QRFP: variants seen among roughly 807,000 people sequenced by gnomAD.
QRFP encodes orexigenic neuropeptide QRFP.
A neutral mutation model predicts 9.1 loss-of-function variants in QRFP; 7 were observed. That is an observed-to-expected ratio of 0.77 (90% CI 0.44 to 1.45). The LOEUF is 1.45. Among genes scored for constraint, QRFP ranks in the 40% most tolerant of loss-of-function variants. The probability of loss-of-function intolerance (pLI) is 0.01; values close to 1 mark genes in which losing one functional copy is unlikely to be tolerated. For missense variants in QRFP, 204 were observed against 185.4 expected, an observed-to-expected ratio of 1.10 and a Z score of -0.58; for synonymous variants, 91 against 80.2, an observed-to-expected ratio of 1.13 and a Z score of -0.72.
intron 2 of QRFP, among the ~76,000 whole-genome samples, chr9:130,894,621 C>T (rs938520199): frequency 1.3e-5 from 2 of 152,222 alleles, no homozygotes; most frequent in Non-Finnish European, 2.9e-5. Flanking sequence ...GCATACATAT[C>T]TGCTAGGTAC....
chr9:130,893,497 G>A lies in QRFP; in HGVS notation c.342C>T (p.Asn114=), dbSNP rs765098620. The change falls in exon 3 of 3, where the codon AAC becomes AAT. Residue 114 remains asparagine (N), a synonymous_variant. Coordinates refer to ENST00000623824, the MANE Select transcript of QRFP (RefSeq NM_198180.3). ...AGEKTSGPLG[N]LAEELNGYSR... ...TGTAGCCATTGAGCTCCTCAGCCAGGTTCCCTAACGGGCCGCTGGTCTTCT... is the reference window on the plus strand; with the variant it reads ...TGTAGCCATTGAGCTCCTCAGCCAGATTCCCTAACGGGCCGCTGGTCTTCT... 3 of 1,610,248 alleles carry A rather than the reference G, an allele frequency of 1.9e-6. No homozygotes were observed. The African/African-American group carries it at 4.0e-5, about 21-fold the overall frequency.
At position 130,893,522 on chromosome 9, in the gene QRFP, T is replaced by TC. The variant is rs1372223236; in HGVS notation, c.316dup (p.Glu106GlyfsTer12). On this transcript the variant is annotated frameshift_variant, in exon 3 of 3. Transcript: ENST00000623824. LOFTEE classifies it high-confidence loss of function. ...GTTCCCTAACGGGCCGCTGGTCTTC[T>TC]CCCCCGCAGCAGGGAGGAAGCCGGT... 1.9e-6 allele frequency: 3 copies of TC among 1,612,090 alleles called. No individual in the cohort carries two copies. The highest frequency in any genetic ancestry group is 2.5e-6 in the Non-Finnish European group (3 of 1,179,374).
chr9:130,894,615 A>T (rs1831732888), intron 2 of QRFP, among the ~76,000 whole-genome samples: 1 of 152,198 alleles, frequency 6.6e-6, no homozygotes, highest in African/African-American at 2.4e-5. Context: ...CAAGAAGCAT[A>T]CATATCTGCT....
intron 2 of QRFP, among the ~76,000 whole-genome samples, chr9:130,894,769 C>T (rs985126022): frequency 1.3e-5 from 2 of 152,098 alleles, no homozygotes; most frequent in African/African-American, 4.8e-5. Context: ...GAAGGCGTGC[C>T]CTAACTCCCT....
chr9:130,895,699 T>G lies in QRFP; in HGVS notation c.-3A>C, dbSNP rs1831747481. 1 of 153,134 alleles carries G rather than the reference T, an allele frequency of 6.5e-6. No homozygotes were observed. Among genetic ancestry groups the G allele is most frequent in the Non-Finnish European group, 1.5e-5 (1 of 68,834 alleles). The allele number at this position is 153,134 out of a possible 1,614,324, so 9.5% of individuals were successfully genotyped here. ...GGGGACAGGGCAGCTATGCTCACCG[T>G]GTGGCTGGGACTGCTCCCAGGAAGG... On this transcript the variant is annotated splice_region_variant and 5_prime_UTR_variant, in exon 2 of 3. Transcript: ENST00000623824.
At position 130,893,501 on chromosome 9, in the gene QRFP, C is replaced by T; in HGVS notation, c.338G>A (p.Gly113Glu). The change falls in exon 3 of 3, where the codon GGG becomes GAG. Residue 113 changes from glycine to glutamate, a missense_variant. Coordinates refer to ENST00000623824, the MANE Select transcript of QRFP (RefSeq NM_198180.3). ...GCCATTGAGCTCCTCAGCCAGGTTC[C>T]CTAACGGGCCGCTGGTCTTCTCCCC... ...AAGEKTSGPL[G>E]NLAEELNGYS... 2 of 1,611,170 alleles carry T rather than the reference C, an allele frequency of 1.2e-6. No homozygotes were observed. The highest frequency in any genetic ancestry group is 2.2e-5 in the South Asian group (2 of 90,944).
chr9:130,893,417 G>A lies in QRFP; in HGVS notation c.*11C>T, dbSNP rs200609476. ...TCCAAGAAGCAAATCCTTCCAAGGC[G>A]TCCTGGCCCTTCACCGCCGACCGAA... On this transcript the variant is annotated 3_prime_UTR_variant, in exon 3 of 3. Transcript: ENST00000623824. 5.2e-5 allele frequency: 81 copies of A among 1,566,848 alleles called. No homozygotes were observed. The African/African-American group carries it at 6.9e-4, about 13-fold the overall frequency.
chr9:130,893,439 C>A lies in QRFP; in HGVS notation c.400G>T (p.Gly134Cys). Residue 134 changes from glycine (G) to cysteine (C), a missense_variant, in exon 3 of 3, where the codon GGT (glycine) becomes TGT (cysteine). By Grantham distance (159) the Gly-to-Cys change is radical. Transcript: ENST00000623824. ...RKKGGFSFRF[G>C]RR ...GGCGTCCTGGCCCTTCACCGCCGAC[C>A]GAAGCGGAAGCTGAAGCCGCCTTTC... The A allele has an allele frequency of 1.9e-6, 3 of 1,583,556 alleles. No homozygotes were observed. Among genetic ancestry groups the A allele is most frequent in the South Asian group, 1.1e-5 (1 of 88,540 alleles).
chr9:130,896,044 TGGC>T (rs758137742), intron 1 of QRFP, 63 bp from the exon 2 acceptor site: 3 of 152,168 alleles, frequency 2.0e-5, no homozygotes, highest in Non-Finnish European at 4.4e-5. Context: ...TCGAGTCCCT[TGGC>T]GGGGGTTCCA....
At chr9:130,894,885 C>T (rs1002372430) in intron 2 of QRFP, among the ~76,000 whole-genome samples, 5 of 152,132 alleles carry the variant, frequency 3.3e-5, no homozygotes, top group African/African-American at 1.2e-4. Flanking sequence ...ACCTTTTTGA[C>T]AATGACCGCG....
chr9:130,894,763 G>T (rs188153348), intron 2 of QRFP, among the ~76,000 whole-genome samples: 1 of 152,086 alleles, frequency 6.6e-6, no homozygotes, highest in Admixed American at 6.5e-5. Flanking sequence ...ACTCAGGAAG[G>T]CGTGCCCTAA....
intron 2 of QRFP, among the ~76,000 whole-genome samples, chr9:130,894,237 A>G (rs2133051648): frequency 6.6e-6 from 1 of 152,354 alleles, no homozygotes; most frequent in South Asian, 2.1e-4. Context: ...TTAGTGTTCA[A>G]CTGGATAATA....
intron 1 of QRFP, among the ~76,000 whole-genome samples, chr9:130,896,246 C>T (rs572639034): frequency 6.6e-6 from 1 of 152,330 alleles, no homozygotes; most frequent in African/African-American, 2.4e-5. Flanking sequence ...CGCGGCTAAG[C>T]CAGGTGCACC....
chr9:130,895,419 C>G (rs925880112), intron 2 of QRFP, among the ~76,000 whole-genome samples: 2 of 152,222 alleles, frequency 1.3e-5, no homozygotes, highest in Non-Finnish European at 2.9e-5. Flanking sequence ...AGTGGGGATG[C>G]TCATCACGGG....
chr9:130,893,692 G>C lies in QRFP; in HGVS notation c.147C>G (p.Pro49=). ...RWADLAMGPR[P]HSVWGSSRWL... ...ACCGAGAGGAACCCCACACGGAGTG[G>C]GGTCGGGGCCCCATGGCCAGGTCGG... The change falls in exon 3 of 3, where the codon CCC becomes CCG. Residue 49 remains proline (P), a synonymous_variant. Transcript: ENST00000623824. 1 of 1,608,786 alleles carries C rather than the reference G, an allele frequency of 6.2e-7. No homozygotes were observed. The highest frequency in any genetic ancestry group is 8.5e-7 in the Non-Finnish European group (1 of 1,177,630).
At position 130,893,782 on chromosome 9, in the gene QRFP, G is replaced by A. The variant is rs3847193; in HGVS notation, c.57C>T (p.Phe19=). Residue 19 remains phenylalanine (F), a synonymous_variant, in exon 3 of 3, where the codon TTC becomes TTT. Coordinates refer to ENST00000623824, the MANE Select transcript of QRFP (RefSeq NM_198180.3). The part of the protein sequence containing the change: ...YFLFLPLGAC[F]PLLDRREPTD... The stretch of plus-strand genomic sequence containing the variant: ...TGGGCTCTCTTCTGTCCAGTAGAGG[G>A]AAGCAGGCGCCCAGCGGCAGGAAGA... 429,908 of 1,569,980 alleles carry A rather than the reference G, an allele frequency of 0.27. 66,497 individuals are homozygous for A. Among genetic ancestry groups the A allele is most frequent in the African/African-American group, 0.67 (48,609 of 72,812 alleles).
Position 130,893,818 on chromosome 9 carries a change from CA to C in QRFP, c.20del (p.Leu7ArgfsTer53), listed in dbSNP as rs780949899. Reference sequence around the variant, plus strand: ...CCAGCGGCAGGAAGAGGAAGTAGATCAGGGGGTAAGGCCTTACCATCTGACC... The same window carrying C: ...CCAGCGGCAGGAAGAGGAAGTAGATCGGGGGTAAGGCCTTACCATCTGACC... MVRPYP[L>X]IYFLFLPLGA... On this transcript the variant is annotated frameshift_variant, in exon 3 of 3. Coordinates refer to ENST00000623824, the MANE Select transcript of QRFP (RefSeq NM_198180.3). LOFTEE classifies it high-confidence loss of function. 3.8e-5 allele frequency: 59 copies of C among 1,546,396 alleles called. No homozygotes were observed. Among genetic ancestry groups the C allele is most frequent in the Middle Eastern group, 3.5e-4 (2 of 5,754 alleles).
rs139077324 is a variant in QRFP at position 130,893,734 on chromosome 9, T to C, written c.105A>G (p.Gly35=). The C allele has an allele frequency of 5.8e-4, 939 of 1,609,874 alleles. 11 individuals are homozygous for C. In the East Asian group the frequency reaches 0.017, roughly 29 times the overall value. Residue 35 remains glycine (G), a synonymous_variant, in exon 3 of 3, where the codon GGA becomes GGG. Transcript: ENST00000623824. ...REPTDAMGGL[G]AGERWADLAM... is the part of the protein sequence containing the mutation. ...CCAGGTCGGCCCAGCGTTCTCCAGCTCCGAGGCCACCCATGGCGTCTGTGG... is the reference window on the plus strand; with the variant it reads ...CCAGGTCGGCCCAGCGTTCTCCAGCCCCGAGGCCACCCATGGCGTCTGTGG...
chr9:130,893,338 G>A lies in QRFP; in HGVS notation c.*90C>T, dbSNP rs1831710303. On this transcript the variant is annotated 3_prime_UTR_variant, in exon 3 of 3. Coordinates refer to ENST00000623824, the MANE Select transcript of QRFP (RefSeq NM_198180.3). ...GTAACCAAGCCTACATCATCTGGGT[G>A]TCGTGGTCTTTGAGACTGGGGGAGA... 1.1e-5 allele frequency: 15 copies of A among 1,315,876 alleles called. No homozygotes were observed. The highest frequency in any genetic ancestry group is 1.5e-5 in the Non-Finnish European group (14 of 955,408). 81.5% of individuals were successfully genotyped at this position (1,315,876 alleles called of 1,614,324 possible).
Sources: allele counts gnomAD v4.1 joint callset (sites outside exome capture counted in the v4.1 genomes callset), GRCh38; gene constraint gnomAD v4.1.1; transcripts MANE v1.5; gene names NCBI Gene and HGNC (gene_info 2026-07-23, HGNC 2026-07-21).